Variants in TBC1D32 observed in about 807,000 individuals in gnomAD.
TBC1D32 encodes the protein protein broad-minded.
TBC1D32 carries 151 observed loss-of-function variants against 170.3 expected under a neutral mutation model. The ratio of observed to expected loss-of-function variants is 0.89; its 90% CI spans 0.78 to 1.01. The LOEUF (loss-of-function observed/expected upper bound fraction) is 1.01, where lower values mean the gene tolerates loss of function less well. Among genes scored for constraint, TBC1D32 ranks in the 50% least tolerant of loss-of-function variants. The pLI, the probability that TBC1D32 is intolerant of heterozygous loss-of-function variation, is 0.00. For synonymous variants in TBC1D32, 498 were observed against 488.0 expected (o/e 1.02, Z -0.27); for missense variants, 1,464 against 1,457.1 (o/e 1.00, Z -0.08).
chr6:121,189,637 A>G (rs558901462), intron 22 of TBC1D32, among the ~76,000 whole-genome samples: 1 of 152,200 alleles, frequency 6.6e-6, no homozygotes, highest in Non-Finnish European at 1.5e-5. Flanking sequence ...ATTTATCATC[A>G]TAACACTATA....
At chr6:121,172,325 A>G (rs1381347469) in intron 22 of TBC1D32, among the ~76,000 whole-genome samples, 2 of 152,176 alleles carry the variant, frequency 1.3e-5, no homozygotes, top group South Asian at 2.1e-4. Context: ...AGGAGTTACA[A>G]TGTTGGCTGG....
intron 15 of TBC1D32, among the ~76,000 whole-genome samples, chr6:121,272,061 A>T (rs1801523005): frequency 6.6e-6 from 1 of 152,188 alleles, no homozygotes; most frequent in Non-Finnish European, 1.5e-5. Context: ...CATATATAGA[A>T]AGCTGAAACT....
intron 22 of TBC1D32, among the ~76,000 whole-genome samples, chr6:121,190,049 C>A (rs1365743200): frequency 1.4e-5 from 2 of 146,576 alleles, no homozygotes; most frequent in East Asian, 4.2e-4. Flanking sequence ...TATATAATTT[C>A]TTTCTTTCTC....
chr6:121,283,940 T>A (rs1803411086), intron 12 of TBC1D32, 30 bp from the exon 13 acceptor site: 2 of 1,465,834 alleles, frequency 1.4e-6, no homozygotes, highest in African/African-American at 2.8e-5. Context: ...AGAAAATTAA[T>A]TTCTAGCATA....
At position 121,106,053 on chromosome 6, in the gene TBC1D32, AG is replaced by A; in HGVS notation, c.3434del (p.Ala1145ValfsTer17). 1 of 1,608,186 alleles carries A rather than the reference AG, an allele frequency of 6.2e-7. No homozygotes were observed. Among genetic ancestry groups the A allele is most frequent in the Non-Finnish European group, 8.5e-7 (1 of 1,175,938 alleles). ...LKAELPLVFS[A>X]FHMSGFAPSQ... ...ATGGTGCAAAACCAGACATGTGAAA[AG>A]CTGAAAACACAAGAGGCAACTCAGC... On this transcript the variant is annotated frameshift_variant, in exon 30 of 32. Transcript: ENST00000398212. LOFTEE classifies it high-confidence loss of function.
chr6:121,315,139 G>A lies in TBC1D32; in HGVS notation c.495+2356C>T, dbSNP rs181683608. ...GCTGGGAAAAGAATAAAAATAACTC[G>A]CTTTGCAGGGAGAGAGGCTAGTTTT... is the stretch of plus-strand genomic sequence containing the variant. On this transcript the variant is annotated intron_variant, in intron 3 of 31. Coordinates refer to ENST00000398212, the MANE Select transcript of TBC1D32 (RefSeq NM_152730.6). Among the ~76,000 whole-genome samples the A allele has an allele frequency of 3.9e-5, 6 of 152,268 alleles. 1 individual carries two copies. The highest frequency in any genetic ancestry group is 4.1e-4 in the South Asian group (2 of 4,826).
chr6:121,219,666 A>G (rs1382114316), intron 21 of TBC1D32, among the ~76,000 whole-genome samples: 1 of 152,238 alleles, frequency 6.6e-6, no homozygotes, highest in Admixed American at 6.5e-5. Context: ...AGGCACATAA[A>G]TGACTAACGA....
chr6:121,192,340 T>G (rs1369315050), intron 22 of TBC1D32: 1 of 152,062 alleles, frequency 6.6e-6, no homozygotes, highest in Non-Finnish European at 1.5e-5. Flanking sequence ...TCACCTCTCA[T>G]GAGAGGAAAG....
intron 26 of TBC1D32, among the ~76,000 whole-genome samples, chr6:121,123,357 T>C (rs146245936): frequency 9.5e-4 from 145 of 152,204 alleles, no homozygotes; most frequent in Non-Finnish European, 1.8e-3. Flanking sequence ...TACAGCTGTA[T>C]TGCAGTTAAT....
intron 30 of TBC1D32, among the ~76,000 whole-genome samples, chr6:121,097,177 A>C (rs1777514568): frequency 6.6e-6 from 1 of 152,200 alleles, no homozygotes; most frequent in Non-Finnish European, 1.5e-5. Context: ...CAATGGCAAT[A>C]AAAGCCGAAA....
At chr6:121,169,657 T>C (rs1476107603) in intron 22 of TBC1D32, among the ~76,000 whole-genome samples, 2 of 152,160 alleles carry the variant, frequency 1.3e-5, no homozygotes, top group African/African-American at 4.8e-5. Context: ...AAAATCTAAA[T>C]GTTGCTTATG....
chr6:121,256,370 A>G (rs550702463), intron 15 of TBC1D32, 85 bp from the exon 16 acceptor site: 1 of 1,167,876 alleles, frequency 8.6e-7, no homozygotes, highest in African/African-American at 1.5e-5. Context: ...GTCTTGTCAC[A>G]AAAACTTAGT....
intron 25 of TBC1D32, chr6:121,130,023 T>C: frequency 5.3e-6 from 2 of 380,422 alleles, no homozygotes; most frequent in Non-Finnish European, 1.0e-5. Flanking sequence ...CACAAAAACA[T>C]ATCCCTTTTT....
At chr6:121,149,331 C>T (rs1783900770) in intron 24 of TBC1D32, among the ~76,000 whole-genome samples, 1 of 152,054 alleles carries the variant, frequency 6.6e-6, no homozygotes, top group Non-Finnish European at 1.5e-5. Flanking sequence ...AAGTCTTTGC[C>T]CATGTCTATG....
intron 2 of TBC1D32, among the ~76,000 whole-genome samples, chr6:121,320,286 G>A (rs1809537654): frequency 6.7e-6 from 1 of 149,934 alleles, no homozygotes; most frequent in South Asian, 2.1e-4. Flanking sequence ...TTCATAAAGT[G>A]GAAAATAAAC....
chr6:121,086,009 G>A (rs540156612), intron 31 of TBC1D32, among the ~76,000 whole-genome samples: 2 of 152,090 alleles, frequency 1.3e-5, no homozygotes, highest in East Asian at 3.9e-4. Flanking sequence ...AAAAATGGGA[G>A]CAAAAGTACA....
chr6:121,247,493 T>C (rs772800784), intron 17 of TBC1D32, among the ~76,000 whole-genome samples: 1 of 150,616 alleles, frequency 6.6e-6, no homozygotes, highest in Non-Finnish European at 1.5e-5. Context: ...TGAAAGTAAA[T>C]GGACTAAATG....
chr6:121,125,476 C>T (rs764921183), intron 26 of TBC1D32, among the ~76,000 whole-genome samples: 2 of 151,974 alleles, frequency 1.3e-5, no homozygotes, highest in Non-Finnish European at 2.9e-5. Flanking sequence ...AGGAAGGAGG[C>T]TGATAGGCTA....
intron 30 of TBC1D32, among the ~76,000 whole-genome samples, chr6:121,104,691 CTACACT>C: frequency 6.6e-6 from 1 of 151,666 alleles, no homozygotes; most frequent in South Asian, 2.1e-4. Flanking sequence ...AGATCTCAAA[CTACACT>C]CACTGGCAAT....
Sources: gnomAD v4.1 joint callset for allele counts (sites outside exome capture counted in the v4.1 genomes callset) on GRCh38, gnomAD v4.1.1 for gene constraint, MANE v1.5 for transcripts, NCBI Gene and HGNC (gene_info 2026-07-23, HGNC 2026-07-21) for gene names.